PDE4D: variants seen among roughly 807,000 people sequenced by gnomAD.
The protein encoded by PDE4D is 3',5'-cyclic-AMP phosphodiesterase 4D.
PDE4D carries 24 observed loss-of-function variants against 87.4 expected under a neutral mutation model. The observed-to-expected ratio is 0.27, with a 90% CI of 0.20 to 0.39. The LOEUF is 0.39. Ranked by LOEUF, PDE4D falls within the 10% of genes least tolerant of loss-of-function variation. The pLI is 1.00. For synonymous variants in PDE4D, 384 were observed against 383.2 expected, an observed-to-expected ratio of 1.00 and a Z score of -0.02; for missense variants, 714 against 1,041.0, an observed-to-expected ratio of 0.69 and a Z score of 4.32.
intron 3 of PDE4D, among the ~76,000 whole-genome samples, chr5:59,981,210 C>G (rs895682277): frequency 2.0e-5 from 3 of 152,120 alleles, no homozygotes; most frequent in South Asian, 2.1e-4. Flanking sequence ...CGAGATCACG[C>G]CATTTCACTC....
At chr5:60,248,974 T>C (rs1030343591) in intron 1 of PDE4D, among the ~76,000 whole-genome samples, 2 of 152,008 alleles carry the variant, frequency 1.3e-5, no homozygotes, top group Admixed American at 1.3e-4. Flanking sequence ...ATTGAGCATG[T>C]GGCTCCAAGA....
At chr5:59,118,157 C>T (rs1169225036) in intron 5 of PDE4D, among the ~76,000 whole-genome samples, 1 of 152,258 alleles carries the variant, frequency 6.6e-6, no homozygotes, top group East Asian at 1.9e-4. Flanking sequence ...CTTACATTGC[C>T]CTTTAACTTC....
intron 2 of PDE4D, among the ~76,000 whole-genome samples, chr5:60,113,960 T>C (rs1442121783): frequency 1.3e-5 from 2 of 152,118 alleles, no homozygotes; most frequent in Non-Finnish European, 2.9e-5. Context: ...CAAAAATTGT[T>C]CTGCAACATG....
chr5:59,594,769 G>A (rs1038265817), intron 1 of PDE4D, among the ~76,000 whole-genome samples: 1 of 152,168 alleles, frequency 6.6e-6, no homozygotes, highest in African/African-American at 2.4e-5. Context: ...TGCCAGAGAT[G>A]TTGGAATTAT....
At chr5:60,392,114 T>C (rs539824511) in intron 1 of PDE4D, among the ~76,000 whole-genome samples, 2 of 152,202 alleles carry the variant, frequency 1.3e-5, no homozygotes, top group African/African-American at 4.8e-5. Context: ...AATCTTTTTA[T>C]AGAACTTTCA....
At chr5:59,332,284 A>C (rs1776868975) in intron 1 of PDE4D, among the ~76,000 whole-genome samples, 1 of 152,278 alleles carries the variant, frequency 6.6e-6, no homozygotes, top group African/African-American at 2.4e-5. Context: ...ACTTTAAACA[A>C]TTACAATATG....
chr5:59,409,457 T>C (rs895245669), intron 1 of PDE4D, among the ~76,000 whole-genome samples: 2 of 152,112 alleles, frequency 1.3e-5, no homozygotes, highest in African/African-American at 2.4e-5. Context: ...TAATCCCCAG[T>C]GTTGGAGATG....
At chr5:59,702,942 T>A (rs1446512173) in intron 1 of PDE4D, among the ~76,000 whole-genome samples, 3 of 141,830 alleles carry the variant, frequency 2.1e-5, no homozygotes, top group Admixed American at 2.1e-4. Flanking sequence ...CCAAGTATCA[T>A]AAGTGAAAAA....
At chr5:60,147,666 G>A (rs1781127459) in intron 2 of PDE4D, 2 of 419,630 alleles carry the variant, frequency 4.8e-6, no homozygotes, top group Admixed American at 5.2e-5. Flanking sequence ...TCTCTCAAGA[G>A]ATTGCAGTCA....
At chr5:59,745,408 C>G (rs1274738199) in intron 1 of PDE4D, among the ~76,000 whole-genome samples, 6 of 152,056 alleles carry the variant, frequency 3.9e-5, no homozygotes, top group South Asian at 2.1e-4. Context: ...AATGGGCCAC[C>G]CTGTATATTC....
intron 1 of PDE4D, among the ~76,000 whole-genome samples, chr5:59,378,018 T>C (rs1200845729): frequency 2.0e-5 from 3 of 151,914 alleles, no homozygotes; most frequent in African/African-American, 4.8e-5. Flanking sequence ...AGCAAAGACA[T>C]AGAATTAACC....
chr5:59,942,227 T>C (rs922543635), intron 3 of PDE4D, among the ~76,000 whole-genome samples: 2 of 152,232 alleles, frequency 1.3e-5, no homozygotes, highest in African/African-American at 2.4e-5. Context: ...AGTTTTTATT[T>C]GTTTGATCAT....
chr5:60,386,303 C>T (rs986890284), intron 1 of PDE4D, among the ~76,000 whole-genome samples: 5 of 152,188 alleles, frequency 3.3e-5, no homozygotes, highest in African/African-American at 1.2e-4. Context: ...CTGTGTGCCT[C>T]TTTATTAGCA....
chr5:60,044,154 T>C (rs555736356), intron 2 of PDE4D, among the ~76,000 whole-genome samples: 4 of 152,140 alleles, frequency 2.6e-5, no homozygotes, highest in Admixed American at 6.6e-5. Flanking sequence ...AAGAGGAGAA[T>C]TGGACTGTTT....
intron 1 of PDE4D, among the ~76,000 whole-genome samples, chr5:59,484,892 T>C (rs1048844773): frequency 6.6e-6 from 1 of 152,184 alleles, no homozygotes; most frequent in East Asian, 1.9e-4. Flanking sequence ...AAGTCTACGA[T>C]TCACCAACCA....
chr5:59,067,046 G>C (rs1764060373), intron 5 of PDE4D, among the ~76,000 whole-genome samples: 1 of 147,612 alleles, frequency 6.8e-6, no homozygotes, highest in Non-Finnish European at 1.5e-5. Context: ...AGAGAGTTTT[G>C]CTCTGTCACT....
At chr5:59,164,302 T>C (rs948657305) in intron 5 of PDE4D, among the ~76,000 whole-genome samples, 17 of 152,230 alleles carry the variant, frequency 1.1e-4, no homozygotes, top group African/African-American at 4.1e-4. Context: ...GTTGCTTACA[T>C]TGAGCTTCCA....
chr5:60,098,974 C>G (rs1775969868), intron 2 of PDE4D, among the ~76,000 whole-genome samples: 1 of 152,004 alleles, frequency 6.6e-6, no homozygotes, highest in South Asian at 2.1e-4. Flanking sequence ...TGGCATTTCT[C>G]TTAAGGCAGG....
intron 2 of PDE4D, among the ~76,000 whole-genome samples, chr5:60,173,831 G>A (rs1353175261): frequency 1.3e-5 from 2 of 152,026 alleles, no homozygotes; most frequent in East Asian, 3.9e-4. Context: ...GGGCATTGGT[G>A]GAAAGGGAAG....
Sources: gnomAD v4.1 joint callset for allele counts (sites outside exome capture counted in the v4.1 genomes callset) on GRCh38, gnomAD v4.1.1 for gene constraint, MANE v1.5 for transcripts, NCBI Gene and HGNC (gene_info 2026-07-23, HGNC 2026-07-21) for gene names.